Variants in RILPL1 observed in about 807,000 individuals in gnomAD.
RILPL1 encodes Rab interacting lysosomal protein like 1, also known as RILP-like protein 1.
In RILPL1, 33 loss-of-function variants were observed where a neutral mutation model predicts 50.3. The ratio of observed to expected loss-of-function variants is 0.66; its 90% CI spans 0.50 to 0.88. RILPL1 has a LOEUF of 0.88. RILPL1 is among the 40% of genes least tolerant of loss of function. RILPL1 has a pLI of 0.00. For synonymous variants in RILPL1, 205 were observed against 228.6 expected, an observed-to-expected ratio of 0.90 and a Z score of 0.93; for missense variants, 418 against 542.5, an observed-to-expected ratio of 0.77 and a Z score of 2.28.
intron 2 of RILPL1, among the ~76,000 whole-genome samples, chr12:123,512,081 GT>G (rs1884328047): frequency 5.9e-5 from 8 of 135,108 alleles, no homozygotes; most frequent in Non-Finnish European, 8.0e-5. Context: ...GTCTGTGTGT[GT>G]GTGGTGTGTG....
rs1195268601 is a variant in RILPL1, at chr12:123,485,246, G to A, written c.974+387C>T. On this transcript the variant is annotated intron_variant, in intron 5 of 6. Coordinates refer to ENST00000376874, the MANE Select transcript of RILPL1 (RefSeq NM_178314.5). This position sits in a 1 kb window ranked among gnomAD's most constrained non-coding sequence, Gnocchi z 4.0. ...AACCTACAATAAAGCAAGCATGAGA[G>A]TGAACAGGATAATGTAGGAGGTGAA... 6.5e-6 allele frequency: 3 copies of A among 461,882 alleles called. No homozygotes were observed. Among genetic ancestry groups the A allele is most frequent in the East Asian group, 6.8e-5 (1 of 14,654 alleles). 28.6% of individuals were successfully genotyped at this position (461,882 alleles called of 1,614,324 possible). A position where few individuals can be genotyped will look rare whatever the true frequency, so the allele number is the denominator to read the frequency against.
At chr12:123,501,568 T>C (rs1390882979) in intron 2 of RILPL1, among the ~76,000 whole-genome samples, 1 of 152,076 alleles carries the variant, frequency 6.6e-6, no homozygotes, top group Non-Finnish European at 1.5e-5. Context: ...GAGACCATCC[T>C]GGCCAACACT....
In RILPL1 at chr12:123,492,395, G is replaced by A. The variant is rs151050414; in HGVS notation, c.801+6149C>T. Among the ~76,000 whole-genome samples, 778 of 152,240 alleles carry A rather than the reference G, an allele frequency of 5.1e-3. 5 individuals are homozygous for A. The highest frequency in any genetic ancestry group is 9.5e-3 in the Non-Finnish European group (645 of 68,026). The stretch of plus-strand genomic sequence containing the variant: ...GTCCCGAACAGGTAAATACACAGAG[G>A]GAAACAGCCTGCTGGTGGCCAGGGG... On this transcript the variant is annotated intron_variant, in intron 4 of 6. Transcript: ENST00000376874.
rs929506554 is a variant in RILPL1, at chr12:123,485,548, AG to A, written c.974+84del. ...AACACTGATGAAATGCTTGTCTTCC[AG>A]GGGGTAAGAAGGTAACTGTACAGAA... On this transcript the variant is annotated intron_variant, in intron 5 of 6. Transcript: ENST00000376874. This position sits in a 1 kb window ranked among gnomAD's most constrained non-coding sequence, Gnocchi z 4.0. 2 of 1,276,438 alleles carry A rather than the reference AG, an allele frequency of 1.6e-6. No homozygotes were observed. Among genetic ancestry groups the A allele is most frequent in the Middle Eastern group, 1.9e-4 (1 of 5,374 alleles). 79.1% of individuals were successfully genotyped at this position (1,276,438 alleles called of 1,614,324 possible). A position where few individuals can be genotyped will look rare whatever the true frequency, so the allele number is the denominator to read the frequency against.
intron 2 of RILPL1, among the ~76,000 whole-genome samples, chr12:123,516,844 T>A (rs1168506681): frequency 2.0e-5 from 3 of 152,164 alleles, no homozygotes; most frequent in Admixed American, 1.3e-4. Flanking sequence ...GCAGATCACT[T>A]GAGCCCAGGA....
At chr12:123,511,027 CTG>C (rs959665437) in intron 2 of RILPL1, among the ~76,000 whole-genome samples, 1 of 60,068 alleles carries the variant, frequency 1.7e-5, no homozygotes, top group Non-Finnish European at 3.2e-5. Flanking sequence ...GAGTGTATGT[CTG>C]TGTGGTGGCA....
intron 2 of RILPL1, among the ~76,000 whole-genome samples, chr12:123,509,040 GA>G (rs1883929364): frequency 6.6e-6 from 1 of 152,172 alleles, no homozygotes; most frequent in East Asian, 1.9e-4. Context: ...ATACAAAAAT[GA>G]GCTGGAAATC....
Position 123,533,596 on chromosome 12 carries a change from C to A in RILPL1, c.-114G>T, listed in dbSNP as rs1273566125. On this transcript the variant is annotated 5_prime_UTR_variant, in exon 1 of 7. Coordinates refer to ENST00000376874, the MANE Select transcript of RILPL1 (RefSeq NM_178314.5). This position sits in a 1 kb window ranked among gnomAD's most constrained non-coding sequence, Gnocchi z 6.2. ...CTGGGCCGCGGGCGGGCGCGCTCAG[C>A]GGGCGCTGGGGCGAGGGCGCAGCGG... is the stretch of plus-strand genomic sequence containing the variant. The A allele has an allele frequency of 9.1e-6, 8 of 880,056 alleles. No homozygotes were observed. The highest frequency in any genetic ancestry group is 4.4e-4 in the Middle Eastern group (1 of 2,248). 54.5% of individuals were successfully genotyped at this position (880,056 alleles called of 1,614,324 possible). A position where few individuals can be genotyped will look rare whatever the true frequency, so the allele number is the denominator to read the frequency against.
At chr12:123,521,639 G>T (rs576325926) in intron 2 of RILPL1, among the ~76,000 whole-genome samples, 2 of 91,576 alleles carry the variant, frequency 2.2e-5, no homozygotes, top group Non-Finnish European at 4.6e-5. Flanking sequence ...ACACACATAT[G>T]TGTATATATA....
intron 2 of RILPL1, chr12:123,519,565 A>C (rs1280119784): frequency 3.9e-5 from 6 of 152,118 alleles, no homozygotes; most frequent in African/African-American, 1.5e-4. Flanking sequence ...GCACACCCCC[A>C]AGTCCTCGGT....
chr12:123,489,066 G>A lies in RILPL1; in HGVS notation c.802-3261C>T, dbSNP rs1056023896. Among the ~76,000 whole-genome samples the A allele has an allele frequency of 5.3e-5, 8 of 152,080 alleles. No homozygotes were observed. The highest frequency in any genetic ancestry group is 8.8e-5 in the Non-Finnish European group (6 of 68,022). On this transcript the variant is annotated intron_variant, in intron 4 of 6. Coordinates refer to ENST00000376874, the MANE Select transcript of RILPL1 (RefSeq NM_178314.5). The surrounding 1 kb of genome is among the most constrained non-coding windows in gnomAD (Gnocchi z 4.0). The stretch of plus-strand genomic sequence containing the variant: ...ACGGATATGCGGCCGGCATTCAATC[G>A]CGCCAGTTCTCCTCTTTCCCTGGCC...
intron 1 of RILPL1, among the ~76,000 whole-genome samples, chr12:123,527,053 T>C (rs1885286941): frequency 6.6e-6 from 1 of 152,174 alleles, no homozygotes; most frequent in Non-Finnish European, 1.5e-5. Flanking sequence ...ATCTTAGGCA[T>C]GGCACGGTGG....
At chr12:123,501,404 C>A (rs1257670843) in intron 2 of RILPL1, among the ~76,000 whole-genome samples, 1 of 151,966 alleles carries the variant, frequency 6.6e-6, no homozygotes, top group Non-Finnish European at 1.5e-5. Context: ...CTGATTGCAC[C>A]ACTGTACTCC....
intron 2 of RILPL1, among the ~76,000 whole-genome samples, chr12:123,501,280 AT>A (rs879730460): frequency 1.5e-3 from 220 of 145,822 alleles, no homozygotes; most frequent in Non-Finnish European, 1.5e-3. Context: ...CTACAAAAAG[AT>A]TTTTTTTTTT....
At chr12:123,502,141 C>T (rs1373238415) in intron 2 of RILPL1, among the ~76,000 whole-genome samples, 1 of 151,284 alleles carries the variant, frequency 6.6e-6, no homozygotes, top group East Asian at 1.9e-4. Flanking sequence ...AATGGGAATC[C>T]ACCTGCCATA....
chr12:123,513,392 C>A (rs1012195685), intron 2 of RILPL1: 9 of 374,574 alleles, frequency 2.4e-5, no homozygotes, highest in Non-Finnish European at 5.0e-5. Flanking sequence ...CTTGGCTCCC[C>A]GAGAGGTGGG....
chr12:123,532,707 G>T lies in RILPL1; in HGVS notation c.309+467C>A, dbSNP rs71458805. ...TTCCCTTTGCTCTGGGGAGACTGGG[G>T]GGGGGGGGGATGAAGAAAGGGTCCT... On this transcript the variant is annotated intron_variant, in intron 1 of 6. Transcript: ENST00000376874. Among the ~76,000 whole-genome samples, 230 of 121,930 alleles carry T rather than the reference G, an allele frequency of 1.9e-3. 25 individuals carry two copies. Among genetic ancestry groups the T allele is most frequent in the African/African-American group, 6.7e-3 (220 of 32,876 alleles). 80.0% of individuals were successfully genotyped at this position (121,930 alleles called of 152,430 possible).
At chr12:123,523,669 G>A (rs186107265) in intron 1 of RILPL1, 24 bp from the exon 2 acceptor site, 449 of 1,608,832 alleles carry the variant, frequency 2.8e-4, no homozygotes, top group Admixed American at 7.6e-4. Context: ...GGGACAGCAT[G>A]GGGTCACTGC....
Position 123,522,760 on chromosome 12 carries a change from T to C in RILPL1, c.460+735A>G, listed in dbSNP as rs1885112531. 6.6e-6 allele frequency among the ~76,000 whole-genome samples: 1 copy of C among 152,138 alleles called. No homozygotes were observed. Among genetic ancestry groups the C allele is most frequent in the Admixed American group, 6.6e-5 (1 of 15,264 alleles). On this transcript the variant is annotated intron_variant, in intron 2 of 6. Coordinates refer to ENST00000376874, the MANE Select transcript of RILPL1 (RefSeq NM_178314.5). The surrounding 1 kb of genome is among the most constrained non-coding windows in gnomAD (Gnocchi z 4.0). ...GGTGTGCACCACTGCACCTGGCTTA[T>C]TTTTAAAAAAATCGTTAGTAGAGAC...
Sources: gnomAD v4.1 joint callset for allele counts (sites outside exome capture counted in the v4.1 genomes callset) on GRCh38, gnomAD v4.1.1 for gene constraint, Gnocchi (gnomAD v3.1) non-coding constraint, MANE v1.5 for transcripts, NCBI Gene and HGNC (gene_info 2026-07-23, HGNC 2026-07-21) for gene names.